The following PCDH11X variants were observed in gnomAD, a reference collection of about 807,000 sequenced individuals.
PCDH11X encodes protocadherin-11 X-linked.
In PCDH11X, 18 loss-of-function variants were observed where a neutral mutation model predicts 53.3. The observed-to-expected ratio is 0.34, with a 90% CI of 0.23 to 0.50. The LOEUF (loss-of-function observed/expected upper bound fraction) is 0.50, where lower values mean the gene tolerates loss of function less well. Ranked by LOEUF, PCDH11X falls within the 20% of genes least tolerant of loss-of-function variation. PCDH11X has a pLI of 0.98. For missense variants in PCDH11X, 570 were observed against 1,032.4 expected, an observed-to-expected ratio of 0.55 and a Z score of 6.14; for synonymous variants, 279 against 393.3, an observed-to-expected ratio of 0.71 and a Z score of 3.44.
chrX:92,194,528 T>G (rs1603150423), intron 6 of PCDH11X, among the ~76,000 whole-genome samples: 1 of 111,947 alleles, frequency 8.9e-6, no homozygotes, highest in African/African-American at 3.2e-5. Context: ...TGTGCTGTTT[T>G]TGTTCTTTCA....
At chrX:91,834,060 C>T (rs919799595) in intron 4 of PCDH11X, among the ~76,000 whole-genome samples, 1 of 111,390 alleles carries the variant, frequency 9.0e-6, no homozygotes, top group Non-Finnish European at 1.9e-5. Context: ...GTTGCATTAA[C>T]CTTCATTTAA....
At chrX:92,394,373 A>G (rs2071199117) in intron 9 of PCDH11X, among the ~76,000 whole-genome samples, 1 of 111,180 alleles carries the variant, frequency 9.0e-6, no homozygotes, top group Non-Finnish European at 1.9e-5. Flanking sequence ...GACAAGCACT[A>G]GGAGACTGGC....
chrX:91,803,391 A>C (rs1936000150), intron 1 of PCDH11X, among the ~76,000 whole-genome samples: 2 of 111,033 alleles, frequency 1.8e-5, no homozygotes, highest in Non-Finnish European at 3.8e-5. Flanking sequence ...GATTTCAAAC[A>C]GAAGAGCTCT....
chrX:92,064,573 C>G (rs1202232157), intron 6 of PCDH11X, among the ~76,000 whole-genome samples: 1 of 109,729 alleles, frequency 9.1e-6, no homozygotes, highest in Admixed American at 9.7e-5. Context: ...CTTCCCTGTT[C>G]CAGGCAACTA....
intron 6 of PCDH11X, among the ~76,000 whole-genome samples, chrX:92,026,066 G>C (rs1417510371): frequency 9.1e-6 from 1 of 110,282 alleles, no homozygotes; most frequent in Non-Finnish European, 1.9e-5. Flanking sequence ...GGTGGGAGGA[G>C]GGAGAGGATC....
chrX:92,438,814 A>G (rs1357395881), intron 9 of PCDH11X, among the ~76,000 whole-genome samples: 1 of 110,801 alleles, frequency 9.0e-6, no homozygotes, highest in African/African-American at 3.3e-5. Flanking sequence ...ACCTGTTTTT[A>G]TGGGTCTTCA....
intron 10 of PCDH11X, among the ~76,000 whole-genome samples, chrX:92,578,129 G>A (rs1227858531): frequency 1.1e-5 from 1 of 91,265 alleles, no homozygotes; most frequent in African/African-American, 4.4e-5. Flanking sequence ...TTGTCAGTGG[G>A]GTGTTAAAGT....
At chrX:92,471,505 C>A (rs2073262417) in intron 10 of PCDH11X, among the ~76,000 whole-genome samples, 1 of 108,847 alleles carries the variant, frequency 9.2e-6, no homozygotes, top group African/African-American at 3.3e-5. Flanking sequence ...TTTACCCAGT[C>A]TGTAATTGAT....
chrX:92,339,121 T>C (rs923971073), intron 8 of PCDH11X, among the ~76,000 whole-genome samples: 1 of 111,563 alleles, frequency 9.0e-6, no homozygotes, highest in African/African-American at 3.3e-5. Context: ...ACCACACACA[T>C]ACCAACATCT....
intron 4 of PCDH11X, 121 bp from the exon 5 acceptor site, chrX:91,835,340 A>G (rs1937255093): frequency 2.4e-5 from 29 of 1,191,251 alleles, no homozygotes; most frequent in Non-Finnish European, 3.3e-5. Flanking sequence ...CAGAGTGTCA[A>G]TTATGCTAAC....
intron 6 of PCDH11X, among the ~76,000 whole-genome samples, chrX:92,134,566 G>A (rs1446997559): frequency 1.8e-5 from 2 of 111,277 alleles, no homozygotes; most frequent in Non-Finnish European, 1.9e-5. Context: ...AGGATTCTTG[G>A]ATCTTGTGCA....
chrX:92,066,948 A>C (rs1439794332), intron 6 of PCDH11X, among the ~76,000 whole-genome samples: 1 of 111,421 alleles, frequency 9.0e-6, no homozygotes, highest in Non-Finnish European at 1.9e-5. Flanking sequence ...TACTAAAAAC[A>C]CAAAAATTAG....
chrX:91,793,764 G>A (rs1170783754), intron 1 of PCDH11X, among the ~76,000 whole-genome samples: 1 of 110,964 alleles, frequency 9.0e-6, no homozygotes, highest in Non-Finnish European at 1.9e-5. Context: ...AATACACTAA[G>A]GTGTATTACT....
intron 10 of PCDH11X, 110 bp from the exon 11 acceptor site, chrX:92,618,154 A>T: frequency 1.0e-6 from 1 of 994,914 alleles, no homozygotes. Context: ...GAAGTCTTTA[A>T]TGCATTTGTA....
At chrX:92,148,085 T>C (rs1207047066) in intron 6 of PCDH11X, among the ~76,000 whole-genome samples, 21 of 16,181 alleles carry the variant, frequency 1.3e-3, no homozygotes, top group African/African-American at 2.7e-3. Context: ...TTTCTTTCTT[T>C]CTTTCTTTCT....
intron 6 of PCDH11X, among the ~76,000 whole-genome samples, chrX:92,036,921 G>A (rs2063134664): frequency 8.9e-6 from 1 of 111,839 alleles, no homozygotes; most frequent in Middle Eastern, 4.6e-3. Flanking sequence ...TGGAGCAAAG[G>A]TGATTCTTGT....
At chrX:92,406,757 CA>C (rs768361098) in intron 9 of PCDH11X, among the ~76,000 whole-genome samples, 17 of 95,596 alleles carry the variant, frequency 1.8e-4, no homozygotes, top group East Asian at 3.2e-4. Flanking sequence ...AACCGGTCTA[CA>C]AAAAAAAAAA....
intron 6 of PCDH11X, among the ~76,000 whole-genome samples, chrX:92,132,622 AATATATATATATGTATAT>A (rs1296124867): frequency 0.038 from 3,167 of 83,721 alleles, 159 homozygotes; most frequent in African/African-American, 0.14. Flanking sequence ...GAAAAAAAGA[AATATATATATATGTATAT>A]ATATATATAT....
chrX:92,451,756 G>T (rs1442495367), intron 9 of PCDH11X, among the ~76,000 whole-genome samples: 1 of 111,859 alleles, frequency 8.9e-6, no homozygotes, highest in Non-Finnish European at 1.9e-5. Flanking sequence ...GTTTGTAGTT[G>T]ACTGCTTAAC....
Sources: allele counts gnomAD v4.1 joint callset (sites outside exome capture counted in the v4.1 genomes callset), GRCh38; gene constraint gnomAD v4.1.1; transcripts MANE v1.5; gene names NCBI Gene and HGNC (gene_info 2026-07-23, HGNC 2026-07-21).